The following GAS2L1 variants were observed in gnomAD, a reference collection of about 807,000 sequenced individuals.
GAS2L1 encodes growth arrest specific 2 like 1, also known as GAS2-like protein 1.
GAS2L1 carries 26 observed loss-of-function variants against 44.0 expected under a neutral mutation model. The observed-to-expected ratio is 0.59, with a 90% CI of 0.43 to 0.82. GAS2L1 has a LOEUF of 0.82. GAS2L1 is among the 40% of genes least tolerant of loss of function. GAS2L1 has a pLI of 0.00. For synonymous variants in GAS2L1, 426 were observed against 415.9 expected, an observed-to-expected ratio of 1.02 and a Z score of -0.30; for missense variants, 1,006 against 983.0, an observed-to-expected ratio of 1.02 and a Z score of -0.31.
At chr22:29,311,150 C>T in intron 4 of GAS2L1, 152 bp downstream of exon 5, 1 of 704,658 alleles carries the variant, frequency 1.4e-6, no homozygotes, top group Non-Finnish European at 2.3e-6. Context: ...ATCTCCATGG[C>T]AACCCAACCA....
exon 5 of GAS2L1, chr22:29,311,738 C>G: frequency 4.6e-6 from 7 of 1,533,194 alleles, no homozygotes; most frequent in Non-Finnish European, 6.1e-6. Context: ...CGGTCCCCAG[C>G]CCTGCCCGGC....
At chr22:29,310,967 A>G in exon 4 of GAS2L1, 1 of 1,613,464 alleles carries the variant, frequency 6.2e-7, no homozygotes, top group Non-Finnish European at 8.5e-7. Flanking sequence ...TAGCTTACGA[A>G]GCACAAAGGA....
intron 1 of GAS2L1, among the ~76,000 whole-genome samples, chr22:29,309,324 T>C (rs1400668967): frequency 2.6e-5 from 4 of 152,242 alleles, no homozygotes; most frequent in African/African-American, 9.6e-5. Context: ...GGATTCGTTC[T>C]ACTCTAAGCA....
chr22:29,310,183 G>A (rs775340643), intron 1 of GAS2L1: 133 of 205,894 alleles, frequency 6.5e-4, no homozygotes, highest in Non-Finnish European at 9.2e-4. Flanking sequence ...CGGAGGTTGC[G>A]GTGAGACGAG....
chr22:29,308,279 G>T (rs149833250), exon 1 of GAS2L1: 1 of 1,608,062 alleles, frequency 6.2e-7, no homozygotes, highest in Non-Finnish European at 8.5e-7. Flanking sequence ...GGCTGGCCAC[G>T]GGCACGACCC....
At chr22:29,307,058 A>T (rs376400273) in exon 1 of GAS2L1, 1 of 151,676 alleles carries the variant, frequency 6.6e-6, no homozygotes. Flanking sequence ...CGCGGGACGC[A>T]TAGAGCTGCG....
exon 4 of GAS2L1, chr22:29,310,917 G>C: frequency 1.2e-6 from 2 of 1,613,732 alleles, no homozygotes; most frequent in Non-Finnish European, 1.7e-6. Context: ...CCAGTCCCTG[G>C]GAGTGAGCGC....
In GAS2L1 at chr22:29,311,018, G is replaced by A; in HGVS notation, c.1010+20G>A. 1 of 1,603,820 alleles carries A rather than the reference G, an allele frequency of 6.2e-7. No individual in the cohort carries two copies. Among genetic ancestry groups the A allele is most frequent in the South Asian group, 1.1e-5 (1 of 90,124 alleles). ...ACCCAGGTGAGATGCAGGAGGACGA[G>A]GAGTGAGGGGTCCAGAGGGTGGGGG... On this transcript the variant is annotated intron_variant, in intron 4 of 4. Transcript: ENST00000618518.
intron 1 of GAS2L1, 142 bp downstream of exon 2, chr22:29,308,880 G>C: frequency 1.5e-6 from 1 of 646,110 alleles, no homozygotes; most frequent in Non-Finnish European, 2.4e-6. Flanking sequence ...GCACCAAACC[G>C]AGGAATGTAT....
exon 4 of GAS2L1, chr22:29,310,879 G>A (rs775750363): frequency 1.7e-5 from 27 of 1,612,964 alleles, no homozygotes; most frequent in Non-Finnish European, 2.1e-5. Flanking sequence ...AGAGGGTGTC[G>A]CCCACCACCA....
At chr22:29,312,421 C>T (rs1346276215) in exon 5 of GAS2L1, 2 of 1,552,934 alleles carry the variant, frequency 1.3e-6, no homozygotes, top group Non-Finnish European at 8.7e-7. Flanking sequence ...CGCCGCCCCT[C>T]CGGACCCGCA....
exon 5 of GAS2L1, chr22:29,311,701 C>T: frequency 6.6e-7 from 1 of 1,526,434 alleles, no homozygotes; most frequent in Non-Finnish European, 8.8e-7. Flanking sequence ...CCCCGGGGGG[C>T]CCCAGGAGGC....
exon 5 of GAS2L1, chr22:29,312,098 G>T: frequency 6.2e-7 from 1 of 1,612,850 alleles, no homozygotes; most frequent in South Asian, 1.1e-5. Context: ...ACCCAGCTCG[G>T]GCCCCCGACC....
intron 1 of GAS2L1, among the ~76,000 whole-genome samples, chr22:29,309,000 C>T (rs2061378220): frequency 6.6e-6 from 1 of 152,248 alleles, no homozygotes; most frequent in African/African-American, 2.4e-5. Context: ...TCTTCCCTCA[C>T]TTTGTGTGCT....
At chr22:29,308,773 C>T (rs1363198477) in intron 1 of GAS2L1, 35 bp downstream of exon 2, 16 of 1,453,250 alleles carry the variant, frequency 1.1e-5, no homozygotes, top group Non-Finnish European at 1.4e-5. Flanking sequence ...AGGGACCCGA[C>T]AGCACAGCCA....
chr22:29,310,275 A>G (rs1272609358), intron 1 of GAS2L1, 164 bp from the exon 3 acceptor site: 8 of 415,594 alleles, frequency 1.9e-5, no homozygotes, highest in Non-Finnish European at 3.0e-5. Flanking sequence ...AAATAAAAAA[A>G]ATAAAAGAAA....
rs566816680 is a variant in GAS2L1 at position 29,310,263 on chromosome 22, A to T, written c.634-176A>T. ...AACTCAAAAAAAAAAAAAAATAAAA[A>T]AAAATAAAAAAAATAAAAGAAAGGT... is the stretch of plus-strand genomic sequence containing the variant. On this transcript the variant is annotated intron_variant, in intron 1 of 4. Transcript: ENST00000618518. 159 of 389,382 alleles carry T rather than the reference A, an allele frequency of 4.1e-4. 1 individual carries two copies. Among genetic ancestry groups the T allele is most frequent in the East Asian group, 1.8e-3 (46 of 25,276 alleles). The allele number at this position is 389,382 out of a possible 1,614,324, so 24.1% of individuals were successfully genotyped here.
chr22:29,310,786 G>A (rs370542455), intron 3 of GAS2L1, 41 bp from the exon 5 acceptor site: 2 of 1,606,066 alleles, frequency 1.2e-6, no homozygotes, highest in Admixed American at 1.7e-5. Context: ...TTGCTTCTGT[G>A]GCTCTGTCCC....
At chr22:29,306,799 G>A (rs1215979919), upstream of GAS2L1, 4 of 152,402 alleles carry the variant, frequency 2.6e-5, no homozygotes, top group Non-Finnish European at 5.9e-5. Context: ...ACTAGGCTGG[G>A]TGGGGGTTGG....
Sources: gnomAD v4.1 joint callset for allele counts (sites outside exome capture counted in the v4.1 genomes callset) on GRCh38, gnomAD v4.1.1 for gene constraint, MANE v1.5 for transcripts, NCBI Gene and HGNC (gene_info 2026-07-23, HGNC 2026-07-21) for gene names.